Variants in FRMD4A observed in about 807,000 individuals in gnomAD.
FRMD4A encodes the protein FERM domain-containing protein 4A.
FRMD4A carries 29 observed loss-of-function variants against 129.1 expected under a neutral mutation model. The ratio of observed to expected loss-of-function variants is 0.22; its 90% CI spans 0.17 to 0.31. The LOEUF is 0.31. Among genes scored for constraint, FRMD4A ranks in the 10% least tolerant of loss-of-function variants. FRMD4A has a pLI of 1.00. For synonymous variants in FRMD4A, 634 were observed against 571.6 expected (o/e 1.11, Z -1.56); for missense variants, 1,272 against 1,375.8 (o/e 0.92, Z 1.19).
chr10:14,008,567 A>AT, intron 2 of FRMD4A: 2 of 927,792 alleles, frequency 2.2e-6, no homozygotes, highest in Non-Finnish European at 2.6e-6. Flanking sequence ...TCAAAGCTCT[A>AT]TCAGACGTAT....
At chr10:13,926,780 C>A (rs978620800) in intron 2 of FRMD4A, among the ~76,000 whole-genome samples, 1 of 152,176 alleles carries the variant, frequency 6.6e-6, no homozygotes, top group Admixed American at 6.5e-5. Flanking sequence ...ACAGAATGAA[C>A]AGAGCCAAGA....
intron 2 of FRMD4A, among the ~76,000 whole-genome samples, chr10:14,078,689 G>T (rs991408178): frequency 6.6e-6 from 1 of 152,140 alleles, no homozygotes; most frequent in African/African-American, 2.4e-5. Context: ...TAGGATGGAT[G>T]AAAAAAACGA....
At chr10:13,718,028 T>C (rs1486843717) in intron 12 of FRMD4A, among the ~76,000 whole-genome samples, 1 of 152,136 alleles carries the variant, frequency 6.6e-6, no homozygotes, top group East Asian at 1.9e-4. Flanking sequence ...GCTTTGGCGT[T>C]TGGGAATAAT....
chr10:13,923,509 C>T (rs2095096762), intron 2 of FRMD4A, among the ~76,000 whole-genome samples: 1 of 152,156 alleles, frequency 6.6e-6, no homozygotes, highest in Admixed American at 6.5e-5. Context: ...CACACATAAA[C>T]CGGGTATGTT....
At chr10:13,693,490 A>G in intron 15 of FRMD4A, 1 of 1,153,792 alleles carries the variant, frequency 8.7e-7, no homozygotes, top group Non-Finnish European at 1.1e-6. Context: ...ACCTGGGAGT[A>G]GAATGCAGTG....
intron 2 of FRMD4A, among the ~76,000 whole-genome samples, chr10:13,973,892 T>A (rs1230724908): frequency 6.6e-6 from 1 of 152,110 alleles, no homozygotes; most frequent in Non-Finnish European, 1.5e-5. Context: ...AAAAAACACA[T>A]GCAAGATATA....
chr10:13,857,653 C>T (rs2094231892), intron 3 of FRMD4A, among the ~76,000 whole-genome samples: 3 of 152,192 alleles, frequency 2.0e-5, no homozygotes, highest in African/African-American at 4.8e-5. Flanking sequence ...GTTTCCCCTT[C>T]GAAGTAGCAT....
At chr10:14,088,507 C>T (rs1836434541) in intron 2 of FRMD4A, among the ~76,000 whole-genome samples, 1 of 151,186 alleles carries the variant, frequency 6.6e-6, no homozygotes, top group South Asian at 2.1e-4. Flanking sequence ...AGCCTGTAAT[C>T]CCTAATCCTA....
At chr10:13,887,788 TAA>T (rs1271733727) in intron 2 of FRMD4A, among the ~76,000 whole-genome samples, 1 of 152,160 alleles carries the variant, frequency 6.6e-6, no homozygotes, top group East Asian at 1.9e-4. Context: ...TCTGTAAACG[TAA>T]GAGAGGAACA....
At chr10:13,938,668 A>T (rs151295738) in intron 2 of FRMD4A, among the ~76,000 whole-genome samples, 1 of 152,340 alleles carries the variant, frequency 6.6e-6, no homozygotes, top group Non-Finnish European at 1.5e-5. Context: ...AGAAGGGTTA[A>T]CAGTGATCCT....
intron 2 of FRMD4A, among the ~76,000 whole-genome samples, chr10:14,068,850 T>C (rs185728048): frequency 1.3e-5 from 2 of 152,042 alleles, no homozygotes; most frequent in African/African-American, 2.4e-5. Context: ...ATTTAGTGAG[T>C]TCATTCTCTC....
At chr10:13,978,808 T>C (rs2095550939) in intron 2 of FRMD4A, among the ~76,000 whole-genome samples, 1 of 152,160 alleles carries the variant, frequency 6.6e-6, no homozygotes, top group Admixed American at 6.5e-5. Context: ...TATATAAAAA[T>C]ATTTTGGGTC....
intron 2 of FRMD4A, among the ~76,000 whole-genome samples, chr10:14,320,591 A>G (rs907304113): frequency 6.6e-6 from 1 of 152,236 alleles, no homozygotes; most frequent in Admixed American, 6.5e-5. Flanking sequence ...GATTTCTTCA[A>G]ATGCCTTGTT....
intron 2 of FRMD4A, among the ~76,000 whole-genome samples, chr10:14,328,625 C>CGT (rs1564468712): frequency 3.4e-5 from 3 of 88,236 alleles, no homozygotes; most frequent in African/African-American, 1.1e-4. Flanking sequence ...TATACATATG[C>CGT]ATGTGTGTGT....
intron 2 of FRMD4A, among the ~76,000 whole-genome samples, chr10:14,115,485 T>A (rs1838153333): frequency 6.6e-6 from 1 of 152,226 alleles, no homozygotes; most frequent in African/African-American, 2.4e-5. Context: ...CTCCTCTCCC[T>A]TACTCATAGA....
chr10:13,924,187 G>T (rs1010041822), intron 2 of FRMD4A, among the ~76,000 whole-genome samples: 1 of 152,160 alleles, frequency 6.6e-6, no homozygotes, highest in Admixed American at 6.5e-5. Context: ...AATGACTCAG[G>T]CTGTGGAACA....
At chr10:14,235,140 T>C (rs1389443309) in intron 2 of FRMD4A, among the ~76,000 whole-genome samples, 1 of 114,436 alleles carries the variant, frequency 8.7e-6, no homozygotes, top group African/African-American at 3.0e-5. Context: ...CAGGGCTTTA[T>C]AGGTAACCTA....
chr10:13,714,744 A>C (rs2088607075), intron 12 of FRMD4A, among the ~76,000 whole-genome samples: 1 of 152,170 alleles, frequency 6.6e-6, no homozygotes, highest in African/African-American at 2.4e-5. Flanking sequence ...ACTCTATAGA[A>C]GTGCCGCACT....
chr10:13,988,490 G>A (rs2095590464), intron 2 of FRMD4A, among the ~76,000 whole-genome samples: 1 of 152,126 alleles, frequency 6.6e-6, no homozygotes, highest in African/African-American at 2.4e-5. Flanking sequence ...CTTTGAGTGG[G>A]TTGTACAGTC....
Sources: allele counts gnomAD v4.1 joint callset (sites outside exome capture counted in the v4.1 genomes callset), GRCh38; gene constraint gnomAD v4.1.1; transcripts MANE v1.5; gene names NCBI Gene and HGNC (gene_info 2026-07-23, HGNC 2026-07-21).